The following PLCE1 variants were observed in gnomAD, a reference collection of about 807,000 sequenced individuals.
The protein encoded by PLCE1 is phospholipase C epsilon 1, also known as 1-phosphatidylinositol 4,5-bisphosphate phosphodiesterase epsilon-1.
Under a neutral mutation model 242.8 loss-of-function variants are expected in PLCE1, and 119 were observed. The ratio of observed to expected loss-of-function variants is 0.49; its 90% CI spans 0.42 to 0.57. The LOEUF (loss-of-function observed/expected upper bound fraction) is 0.57, where lower values mean the gene tolerates loss of function less well. PLCE1 is among the 20% of genes least tolerant of loss of function. The pLI is 0.00. For synonymous variants in PLCE1, 945 were observed against 1,017.4 expected, an observed-to-expected ratio of 0.93 and a Z score of 1.35; for missense variants, 2,441 against 2,788.8, an observed-to-expected ratio of 0.88 and a Z score of 2.81.
At chr10:94,069,403 C>T (rs2044288957) in intron 2 of PLCE1, among the ~76,000 whole-genome samples, 1 of 152,098 alleles carries the variant, frequency 6.6e-6, no homozygotes, top group Admixed American at 6.5e-5. Context: ...AGTTCAAGAC[C>T]AGCCTGGCCA....
rs1341292117 is a variant in PLCE1 at position 94,324,787 on chromosome 10, C to G, written c.6721-105C>G. ...GGGGAGCTCCTCAGCCCTACTCTCT[C>G]CAAAGCTCTAGAGAGAAGAGGAAAG... On this transcript the variant is annotated intron_variant, in intron 31 of 32. Transcript: ENST00000371380. 6 of 1,224,278 alleles carry G rather than the reference C, an allele frequency of 4.9e-6. No individual in the cohort carries two copies. The Admixed American group carries it at 9.0e-5, about 18-fold the overall frequency. 75.8% of individuals were successfully genotyped at this position (1,224,278 alleles called of 1,614,324 possible).
intron 1 of PLCE1, among the ~76,000 whole-genome samples, chr10:94,005,871 G>A (rs2061026429): frequency 6.6e-6 from 1 of 152,164 alleles, no homozygotes; most frequent in African/African-American, 2.4e-5. Context: ...CCAATAGAGT[G>A]TATGTGTGCC....
intron 6 of PLCE1, among the ~76,000 whole-genome samples, chr10:94,235,062 T>TCACACACACACACACACACACA (rs3222767): frequency 3.0e-5 from 4 of 135,438 alleles, no homozygotes; most frequent in African/African-American, 1.1e-4. Flanking sequence ...TACTGACCTT[T>TCACACACACACACACACACACA]CACACACACA....
At chr10:94,191,221 C>A (rs576138327) in intron 4 of PLCE1, among the ~76,000 whole-genome samples, 1 of 152,284 alleles carries the variant, frequency 6.6e-6, no homozygotes, top group South Asian at 2.1e-4. Context: ...TGTGGAATGG[C>A]ATAACATTAC....
At chr10:94,093,934 C>T (rs796368961) in intron 2 of PLCE1, among the ~76,000 whole-genome samples, 203 of 79,098 alleles carry the variant, frequency 2.6e-3, no homozygotes, top group Middle Eastern at 0.011. Context: ...ATCGGTATTT[C>T]TTTTTTTTTT....
At chr10:94,008,496 A>G (rs2061094979) in intron 1 of PLCE1, among the ~76,000 whole-genome samples, 1 of 152,080 alleles carries the variant, frequency 6.6e-6, no homozygotes, top group South Asian at 2.1e-4. Context: ...TTTAATAAAG[A>G]CAGCGTTTCA....
chr10:94,054,960 C>T (rs988831662), intron 2 of PLCE1, among the ~76,000 whole-genome samples: 2 of 145,652 alleles, frequency 1.4e-5, no homozygotes, highest in African/African-American at 2.6e-5. Context: ...TGCAGTGAGC[C>T]GAGATCGGGC....
At chr10:94,145,079 G>A (rs1323694902) in intron 3 of PLCE1, among the ~76,000 whole-genome samples, 1 of 152,236 alleles carries the variant, frequency 6.6e-6, no homozygotes, top group Non-Finnish European at 1.5e-5. Flanking sequence ...TCAAAATAAA[G>A]TAGGGATGCC....
intron 8 of PLCE1, among the ~76,000 whole-genome samples, chr10:94,250,319 T>G (rs2137588276): frequency 6.6e-6 from 1 of 152,006 alleles, no homozygotes; most frequent in East Asian, 1.9e-4. Flanking sequence ...CTGGCCAACA[T>G]GGTGAAACTC....
chr10:94,106,355 C>G (rs1041374887), intron 2 of PLCE1, among the ~76,000 whole-genome samples: 12 of 152,176 alleles, frequency 7.9e-5, no homozygotes, highest in African/African-American at 2.9e-4. Flanking sequence ...ACACATATCT[C>G]TTACATATAT....
At chr10:94,012,294 A>G (rs1281040219) in intron 1 of PLCE1, among the ~76,000 whole-genome samples, 3 of 151,762 alleles carry the variant, frequency 2.0e-5, no homozygotes, top group Admixed American at 6.6e-5. Context: ...TTTCAGACAC[A>G]TGCCTATGGA....
At chr10:94,184,439 C>A (rs568890664) in intron 4 of PLCE1, among the ~76,000 whole-genome samples, 1 of 152,212 alleles carries the variant, frequency 6.6e-6, no homozygotes. Flanking sequence ...AAGTGATTGT[C>A]CTGCCTCAGC....
intron 14 of PLCE1, among the ~76,000 whole-genome samples, chr10:94,265,324 A>G (rs1242847756): frequency 6.6e-6 from 1 of 152,174 alleles, no homozygotes; most frequent in African/African-American, 2.4e-5. Flanking sequence ...CCTCTCACCA[A>G]CTTTATGGTA....
intron 3 of PLCE1, among the ~76,000 whole-genome samples, chr10:94,169,655 G>A (rs115817113): frequency 0.012 from 1,810 of 152,322 alleles, 38 homozygotes; most frequent in African/African-American, 0.041. Flanking sequence ...AAAGAGGATA[G>A]TGAGTTGTTT....
intron 1 of PLCE1, among the ~76,000 whole-genome samples, chr10:94,017,020 G>A (rs1401645830): frequency 6.6e-6 from 1 of 152,100 alleles, no homozygotes; most frequent in Non-Finnish European, 1.5e-5. Flanking sequence ...CAGTTGATTT[G>A]CTGAGGAGCC....
rs918956797 is a variant in PLCE1, at chr10:94,331,681, A to G, written c.*3738A>G. The G allele has an allele frequency of 1.3e-5, 2 of 152,154 alleles. No homozygotes were observed. The highest frequency in any genetic ancestry group is 4.8e-5 in the African/African-American group (2 of 41,424). The allele number at this position is 152,154 out of a possible 1,614,324, so 9.4% of individuals were successfully genotyped here. ...AGAGAGAAAAGGGAGATTGTCTCTT[A>G]TACAGAGTCTAGACTTGGGTCAATA... On this transcript the variant is annotated 3_prime_UTR_variant, in exon 33 of 33. Coordinates refer to ENST00000371380, the MANE Select transcript of PLCE1 (RefSeq NM_016341.4).
intron 1 of PLCE1, among the ~76,000 whole-genome samples, chr10:94,024,827 A>G (rs1298408622): frequency 6.6e-6 from 1 of 152,136 alleles, no homozygotes; most frequent in Non-Finnish European, 1.5e-5. Context: ...GGAATTTTCT[A>G]TAGAGGTTTC....
chr10:94,260,586 A>T (rs1413664345), intron 13 of PLCE1, among the ~76,000 whole-genome samples: 1 of 151,656 alleles, frequency 6.6e-6, no homozygotes, highest in Non-Finnish European at 1.5e-5. Context: ...ATTTTTCAAA[A>T]ATTATTGGAC....
At chr10:94,134,478 T>G (rs2046704746) in intron 3 of PLCE1, among the ~76,000 whole-genome samples, 1 of 152,226 alleles carries the variant, frequency 6.6e-6, no homozygotes, top group Non-Finnish European at 1.5e-5. Flanking sequence ...CCAGATGGGT[T>G]TCTCACCACA....
Sources: gnomAD v4.1 joint callset for allele counts (sites outside exome capture counted in the v4.1 genomes callset) on GRCh38, gnomAD v4.1.1 for gene constraint, MANE v1.5 for transcripts, NCBI Gene and HGNC (gene_info 2026-07-23, HGNC 2026-07-21) for gene names.